Variants in TENM1 observed in about 807,000 individuals in gnomAD.
The protein encoded by TENM1 is teneurin transmembrane protein 1, also known as teneurin-1.
TENM1 carries 35 observed loss-of-function variants against 174.8 expected under a neutral mutation model. That is an observed-to-expected ratio of 0.20 (90% CI 0.15 to 0.27). The LOEUF (loss-of-function observed/expected upper bound fraction) is 0.27. TENM1 is among the 10% of genes least tolerant of loss of function. The pLI, the probability that TENM1 is intolerant of heterozygous loss-of-function variation, is 1.00. For synonymous variants in TENM1, 781 were observed against 798.7 expected, an observed-to-expected ratio of 0.98 and a Z score of 0.37; for missense variants, 1,633 against 2,130.1, an observed-to-expected ratio of 0.77 and a Z score of 4.59.
chrX:124,674,965 C>T (rs923470698), intron 5 of TENM1, among the ~76,000 whole-genome samples: 15 of 111,174 alleles, frequency 1.3e-4, no homozygotes, highest in African/African-American at 2.9e-4. Context: ...ACTTTCCTGG[C>T]GGCACTTGAA....
the TENM1 span, among the ~76,000 whole-genome samples, chrX:125,009,464 C>A: frequency 9.0e-6 from 1 of 111,534 alleles, no homozygotes; most frequent in African/African-American, 3.3e-5. Flanking sequence ...CAAAGAGGAG[C>A]TGGTACCATT....
the TENM1 span, among the ~76,000 whole-genome samples, chrX:125,073,330 TG>T: frequency 9.0e-6 from 1 of 111,397 alleles, no homozygotes; most frequent in Non-Finnish European, 1.9e-5. Flanking sequence ...ACGTAATGGG[TG>T]ATCAACTGAA....
chrX:124,680,733 A>C (rs901713884), intron 5 of TENM1, among the ~76,000 whole-genome samples: 1 of 111,676 alleles, frequency 9.0e-6, no homozygotes, highest in Non-Finnish European at 1.9e-5. Context: ...AGTACTTTTA[A>C]TTCTTCTTTA....
chrX:125,117,965 C>T, the TENM1 span, among the ~76,000 whole-genome samples: 1 of 111,282 alleles, frequency 9.0e-6, no homozygotes, highest in African/African-American at 3.3e-5. Context: ...TGAAATTAAC[C>T]TAAGTGTCCA....
the TENM1 span, among the ~76,000 whole-genome samples, chrX:125,056,370 G>A: frequency 9.0e-6 from 1 of 111,710 alleles, no homozygotes; most frequent in Non-Finnish European, 1.9e-5. Flanking sequence ...TTTCTTATCT[G>A]AAGAGATAAG....
At chrX:125,012,027 C>A in the TENM1 span, among the ~76,000 whole-genome samples, 1 of 111,564 alleles carries the variant, frequency 9.0e-6, no homozygotes, top group African/African-American at 3.3e-5. Flanking sequence ...AGATCATGTC[C>A]TTTGCAGGGA....
chrX:124,716,215 C>A (rs1297218808), intron 4 of TENM1, among the ~76,000 whole-genome samples: 1 of 111,958 alleles, frequency 8.9e-6, no homozygotes, highest in Non-Finnish European at 1.9e-5. Flanking sequence ...CATGAATGTC[C>A]TTTGAAATAG....
At chrX:124,959,348 G>T (rs915095602) in intron 1 of TENM1, among the ~76,000 whole-genome samples, 3 of 111,480 alleles carry the variant, frequency 2.7e-5, no homozygotes. Flanking sequence ...CAGACTTTTA[G>T]TTCCCGGGTC....
At chrX:124,630,397 G>A (rs2050730268) in intron 11 of TENM1, among the ~76,000 whole-genome samples, 1 of 111,999 alleles carries the variant, frequency 8.9e-6, no homozygotes, top group Admixed American at 9.5e-5. Flanking sequence ...TTGCTAGCAT[G>A]GAATAAGCTC....
the TENM1 span, among the ~76,000 whole-genome samples, chrX:125,186,359 A>G: frequency 1.8e-5 from 2 of 110,928 alleles, no homozygotes; most frequent in Admixed American, 9.6e-5. Flanking sequence ...CTTTTATTCA[A>G]CAGGTATAAA....
the TENM1 span, among the ~76,000 whole-genome samples, chrX:125,125,604 C>T: frequency 0.023 from 2,553 of 111,761 alleles, 71 homozygotes; most frequent in African/African-American, 0.079. Flanking sequence ...AGCTTACAGA[C>T]GCAGGCTTTG....
In TENM1 at chrX:124,751,760, C is replaced by T. The variant is rs773860201; in HGVS notation, c.536-14563G>A. Among the ~76,000 whole-genome samples, 398 of 104,550 alleles carry T rather than the reference C, an allele frequency of 3.8e-3. 4 individuals carry two copies. Among genetic ancestry groups the T allele is most frequent in the African/African-American group, 0.01 (291 of 28,811 alleles). 90.8% of individuals were successfully genotyped at this position (104,550 alleles called of 115,157 possible). ...TGCGGTGTTTGGTTTTTTGTCCTTGCGATAGTTTACTGAGAATGATGATTT... is the reference window on the plus strand; with the variant it reads ...TGCGGTGTTTGGTTTTTTGTCCTTGTGATAGTTTACTGAGAATGATGATTT... On this transcript the variant is annotated intron_variant, in intron 3 of 31. Coordinates refer to ENST00000422452, the Ensembl canonical transcript of TENM1.
chrX:124,377,638 T>G (rs2060116863), exon 32 of TENM1: 1 of 111,225 alleles, frequency 9.0e-6, no homozygotes, highest in Non-Finnish European at 1.9e-5. Flanking sequence ...TGGGCTTAAG[T>G]AGGAAAAAGA....
intron 25 of TENM1, among the ~76,000 whole-genome samples, chrX:124,407,936 T>C (rs1329257497): frequency 4.5e-5 from 5 of 111,493 alleles, no homozygotes; most frequent in Non-Finnish European, 9.4e-5. Context: ...AAAGAAAGAC[T>C]GAAGAGTGCT....
intron 11 of TENM1, among the ~76,000 whole-genome samples, chrX:124,621,431 C>T (rs760719832): frequency 1.9e-4 from 21 of 111,856 alleles, no homozygotes; most frequent in African/African-American, 6.8e-4. Context: ...TGAGATCACG[C>T]CACTGCATTC....
At chrX:125,118,737 C>T in the TENM1 span, among the ~76,000 whole-genome samples, 2 of 109,221 alleles carry the variant, frequency 1.8e-5, no homozygotes, top group Admixed American at 9.6e-5. Context: ...TCTATTAGAA[C>T]GTCTAACATT....
At chrX:124,421,414 T>G (rs762235747) in intron 24 of TENM1, among the ~76,000 whole-genome samples, 1 of 112,161 alleles carries the variant, frequency 8.9e-6, no homozygotes, top group African/African-American at 3.2e-5. Flanking sequence ...AAAGTCATAT[T>G]GACCAAATTG....
intron 3 of TENM1, among the ~76,000 whole-genome samples, chrX:124,749,643 C>T (rs764670121): frequency 4.2e-4 from 47 of 111,823 alleles, no homozygotes; most frequent in African/African-American, 1.4e-3. Context: ...ATAGTATATA[C>T]AAAAATACCA....
chrX:124,472,583 G>T (rs1293611763), intron 22 of TENM1, among the ~76,000 whole-genome samples: 1 of 110,564 alleles, frequency 9.0e-6, no homozygotes, highest in Non-Finnish European at 1.9e-5. Flanking sequence ...CTGTGTTTTA[G>T]CCTGTGACAG....
Sources: gnomAD v4.1 joint callset for allele counts (sites outside exome capture counted in the v4.1 genomes callset) on GRCh38, gnomAD v4.1.1 for gene constraint, MANE v1.5 for transcripts, NCBI Gene and HGNC (gene_info 2026-07-23, HGNC 2026-07-21) for gene names.